Variants in PKHD1 observed in about 807,000 individuals in gnomAD.
PKHD1 encodes PKHD1 ciliary IPT domain containing fibrocystin/polyductin.
In PKHD1, 291 loss-of-function variants were observed where a neutral mutation model predicts 412.0. The observed-to-expected ratio is 0.71, with a 90% confidence interval of 0.64 to 0.78. The LOEUF is 0.78. Ranked by LOEUF, PKHD1 falls within the 30% of genes least tolerant of loss-of-function variation. PKHD1 has a pLI of 0.00. For missense variants in PKHD1, 4,825 were observed against 4,950.7 expected (o/e 0.97, Z 0.76); for synonymous variants, 1,777 against 1,821.5 (o/e 0.98, Z 0.62).
intron 14 of PKHD1, among the ~76,000 whole-genome samples, chr6:52,062,154 T>C (rs927164627): frequency 3.9e-5 from 6 of 152,218 alleles, no homozygotes; most frequent in African/African-American, 1.4e-4. Flanking sequence ...GGGCAAATTC[T>C]TGGATCTTTC....
At position 51,878,567 on chromosome 6, in the gene PKHD1, C is replaced by G. The variant is rs202044087; in HGVS notation, c.7350+4526G>C. 4.5e-5 allele frequency among the ~76,000 whole-genome samples: 2 copies of G among 44,364 alleles called. 1 individual carries two copies. Among genetic ancestry groups the G allele is most frequent in the African/African-American group, 2.0e-4 (2 of 9,960 alleles). 29.1% of individuals were successfully genotyped at this position (44,364 alleles called of 152,430 possible). A position where few individuals can be genotyped will look rare whatever the true frequency, so the allele number is the denominator to read the frequency against. ...AAAGCCTTTGACAAAATTCAACAAC[C>G]CTTCATGCTAAAAACTCAATAAATT... is the stretch of plus-strand genomic sequence containing the variant. On this transcript the variant is annotated intron_variant, in intron 46 of 66. Transcript: ENST00000371117.
intron 46 of PKHD1, among the ~76,000 whole-genome samples, chr6:51,880,779 T>TAAAAAAAAAAACA (rs1777142776): frequency 3.3e-5 from 1 of 30,036 alleles, no homozygotes; most frequent in Non-Finnish European, 4.7e-5. Flanking sequence ...AAAAAAAAAT[T>TAAAAAAAAAAACA]AAAAAAAAAA....
intron 52 of PKHD1, among the ~76,000 whole-genome samples, chr6:51,828,213 G>T (rs1279222797): frequency 6.6e-6 from 1 of 152,004 alleles, no homozygotes; most frequent in Non-Finnish European, 1.5e-5. Flanking sequence ...AAGATACAAT[G>T]AAGAGTTAGA....
intron 52 of PKHD1, among the ~76,000 whole-genome samples, chr6:51,820,208 C>T (rs537108248): frequency 6.6e-6 from 1 of 152,080 alleles, no homozygotes; most frequent in South Asian, 2.1e-4. Flanking sequence ...GGAAACACCC[C>T]AATGGCAAAT....
rs73442840 is a variant in PKHD1 at position 51,721,747 on chromosome 6, A to C, written c.10156+22638T>G. 18,108 of 1,393,536 alleles carry C rather than the reference A, an allele frequency of 0.013. 922 individuals carry two copies. Among genetic ancestry groups the C allele is most frequent in the African/African-American group, 0.13 (8,779 of 68,558 alleles). The allele number at this position is 1,393,536 out of a possible 1,614,324, so 86.3% of individuals were successfully genotyped here. A position where few individuals can be genotyped will look rare whatever the true frequency, so the allele number is the denominator to read the frequency against. ...GTTGACACCCTCTCCACAGTCCCCAAAGTCAGGAGTAAGCAAACTCTATTT... is the reference window on the plus strand; with the variant it reads ...GTTGACACCCTCTCCACAGTCCCCACAGTCAGGAGTAAGCAAACTCTATTT... On this transcript the variant is annotated intron_variant, in intron 60 of 66. Coordinates refer to ENST00000371117, the MANE Select transcript of PKHD1 (RefSeq NM_138694.4).
chr6:51,794,105 C>T (rs1270055636), intron 52 of PKHD1, among the ~76,000 whole-genome samples: 2 of 147,294 alleles, frequency 1.4e-5, no homozygotes, highest in Non-Finnish European at 1.5e-5. Context: ...GGCGTGATCT[C>T]GGCTCACTGC....
chr6:52,020,129 T>C (rs762308216), intron 33 of PKHD1, among the ~76,000 whole-genome samples: 2 of 152,074 alleles, frequency 1.3e-5, no homozygotes, highest in South Asian at 2.1e-4. Flanking sequence ...GCGACCTTGG[T>C]AAATGAGAGA....
At chr6:51,989,903 G>GGAAA (rs1796702484) in intron 35 of PKHD1, among the ~76,000 whole-genome samples, 3 of 48,018 alleles carry the variant, frequency 6.2e-5, no homozygotes, top group East Asian at 7.7e-4. Context: ...GAAGGAGGGA[G>GGAAA]GAAGGAAGGA....
intron 60 of PKHD1, among the ~76,000 whole-genome samples, chr6:51,695,106 A>G (rs1237299872): frequency 6.6e-6 from 1 of 152,222 alleles, no homozygotes; most frequent in South Asian, 2.1e-4. Flanking sequence ...GCTGAATAAA[A>G]ATGGACTTAA....
rs1157801232 is a variant in PKHD1, at chr6:51,935,700, C to A, written c.5909-1378G>T. Among the ~76,000 whole-genome samples, 5 of 152,234 alleles carry A rather than the reference C, an allele frequency of 3.3e-5. No individual in the cohort carries two copies. In the East Asian group the frequency reaches 9.6e-4, roughly 29 times the overall value. On this transcript the variant is annotated intron_variant, in intron 36 of 66. Coordinates refer to ENST00000371117, the MANE Select transcript of PKHD1 (RefSeq NM_138694.4). Reference sequence around the variant, plus strand: ...CTCTAATATCATTTTCTAAAGCTCACCTGTTCACACATATGCTACAAACAT... The same window carrying A: ...CTCTAATATCATTTTCTAAAGCTCAACTGTTCACACATATGCTACAAACAT...
At position 51,887,154 on chromosome 6, in the gene PKHD1, T is replaced by A; in HGVS notation, c.7088A>T (p.Asn2363Ile). The change falls in exon 44 of 67, where the codon AAC becomes ATC. Residue 2363 changes from asparagine to isoleucine, a missense_variant. Physicochemically the swap from Asn to Ile is moderately radical, Grantham distance 149 (BLOSUM62 -3). Transcript: ENST00000371117. The part of the protein sequence containing the change: ...SQAPLLSFTQ[N>I]IAHSCTRYGL... ...TTACCTGGTACAAGAATGTGCAATG[T>A]TCTGAGTGAAGGAAAGAAGCGGAGC... 6.2e-7 allele frequency: 1 copy of A among 1,610,814 alleles called. No individual in the cohort carries two copies. Among genetic ancestry groups the A allele is most frequent in the Non-Finnish European group, 8.5e-7 (1 of 1,176,946 alleles).
intron 22 of PKHD1, 118 bp from the exon 23 acceptor site, chr6:52,048,737 A>G (rs1414653700): frequency 6.0e-6 from 7 of 1,162,010 alleles, no homozygotes; most frequent in Non-Finnish European, 7.5e-6. Flanking sequence ...GAGCTAAGGG[A>G]CCTGAGGAAA....
intron 22 of PKHD1, among the ~76,000 whole-genome samples, chr6:52,048,907 A>G (rs1193854183): frequency 2.0e-5 from 3 of 152,152 alleles, no homozygotes; most frequent in African/African-American, 4.8e-5. Flanking sequence ...TTCATTTTCA[A>G]TGGATGGTTT....
At chr6:52,034,858 T>C (rs746887515) in intron 28 of PKHD1, among the ~76,000 whole-genome samples, 1 of 152,224 alleles carries the variant, frequency 6.6e-6, no homozygotes, top group Non-Finnish European at 1.5e-5. Flanking sequence ...TAGATGAGAT[T>C]AAAATGTAGG....
At chr6:51,646,079 T>G (rs1185417237) in intron 63 of PKHD1, among the ~76,000 whole-genome samples, 1 of 152,234 alleles carries the variant, frequency 6.6e-6, no homozygotes, top group Admixed American at 6.5e-5. Context: ...CAGACTGTTG[T>G]AATCTCCAGC....
At chr6:51,727,538 C>T (rs950344063) in intron 60 of PKHD1, among the ~76,000 whole-genome samples, 5 of 152,208 alleles carry the variant, frequency 3.3e-5, no homozygotes, top group African/African-American at 1.2e-4. Flanking sequence ...GGGTGGCCCC[C>T]TTCTGGCGTC....
intron 43 of PKHD1, among the ~76,000 whole-genome samples, chr6:51,897,040 GTGT>G (rs1780180045): frequency 6.6e-6 from 1 of 150,944 alleles, no homozygotes; most frequent in Non-Finnish European, 1.5e-5. Flanking sequence ...CGTCTGATTG[GTGT>G]ACCTGAAAGT....
intron 60 of PKHD1, chr6:51,722,149 C>A (rs762470871): frequency 1.3e-6 from 2 of 1,503,770 alleles, no homozygotes; most frequent in East Asian, 4.7e-5. Context: ...TTGTAATATC[C>A]GAGCTCTTTA....
intron 43 of PKHD1, among the ~76,000 whole-genome samples, chr6:51,901,453 A>G (rs568960664): frequency 6.6e-6 from 1 of 151,966 alleles, no homozygotes; most frequent in African/African-American, 2.4e-5. Flanking sequence ...TCTCACTCAA[A>G]GGTGGGAATT....
Sources: gnomAD v4.1 joint callset for allele counts (sites outside exome capture counted in the v4.1 genomes callset) on GRCh38, gnomAD v4.1.1 for gene constraint, MANE v1.5 for transcripts, NCBI Gene and HGNC (gene_info 2026-07-23, HGNC 2026-07-21) for gene names.